The following TASP1 variants were observed in gnomAD, a reference collection of about 807,000 sequenced individuals.
The protein encoded by TASP1 is taspase 1.
TASP1 carries 16 observed loss-of-function variants against 56.6 expected under a neutral mutation model. That is an observed-to-expected ratio of 0.28 (90% CI 0.19 to 0.43). The LOEUF (loss-of-function observed/expected upper bound fraction) is 0.43. TASP1 is among the 20% of genes least tolerant of loss of function. The pLI is 1.00. For missense variants in TASP1, 393 were observed against 511.6 expected (o/e 0.77, Z 2.24); for synonymous variants, 179 against 184.2 (o/e 0.97, Z 0.23).
intron 10 of TASP1, among the ~76,000 whole-genome samples, chr20:13,509,364 T>C (rs2044246277): frequency 6.6e-6 from 1 of 152,096 alleles, no homozygotes; most frequent in Admixed American, 6.5e-5. Context: ...GGAGATAGTG[T>C]CACAGGGTAC....
the TASP1 span, among the ~76,000 whole-genome samples, chr20:13,250,675 G>A: frequency 1.3e-5 from 2 of 152,210 alleles, no homozygotes; most frequent in African/African-American, 4.8e-5. Flanking sequence ...TGGATTGTAA[G>A]CTCCATGAGG....
At chr20:13,578,571 C>G (rs974668454) in intron 6 of TASP1, among the ~76,000 whole-genome samples, 35 of 152,210 alleles carry the variant, frequency 2.3e-4, no homozygotes, top group African/African-American at 7.9e-4. Context: ...AGAATACTCT[C>G]CCATATTTTT....
At position 13,614,919 on chromosome 20, in the gene TASP1, C is replaced by T. The variant is rs866205691; in HGVS notation, c.282+8527G>A. 4 of 429,666 alleles carry T rather than the reference C, an allele frequency of 9.3e-6. No homozygotes were observed. In the Middle Eastern group the frequency reaches 1.0e-3, roughly 112 times the overall value. The allele number at this position is 429,666 out of a possible 1,614,324, so 26.6% of individuals were successfully genotyped here. A position where few individuals can be genotyped will look rare whatever the true frequency, so the allele number is the denominator to read the frequency against. On this transcript the variant is annotated intron_variant, in intron 4 of 13. Coordinates refer to ENST00000337743, the MANE Select transcript of TASP1 (RefSeq NM_017714.3). ...AAATGTAGCTGTTTCTCCAGTACTACCAAATTTGGCAGCCACTTATACTTC... is the reference window on the plus strand; with the variant it reads ...AAATGTAGCTGTTTCTCCAGTACTATCAAATTTGGCAGCCACTTATACTTC...
At chr20:13,226,753 C>A in the TASP1 span, among the ~76,000 whole-genome samples, 10 of 152,178 alleles carry the variant, frequency 6.6e-5, no homozygotes, top group Admixed American at 6.5e-4. Flanking sequence ...GGACTCAGAG[C>A]AGCAAGAGAA....
At chr20:13,182,943 C>G in the TASP1 span, among the ~76,000 whole-genome samples, 1 of 152,162 alleles carries the variant, frequency 6.6e-6, no homozygotes, top group East Asian at 1.9e-4. Flanking sequence ...AGCAAAATAG[C>G]TAAAAATCTC....
chr20:13,293,512 T>G, the TASP1 span, among the ~76,000 whole-genome samples: 1 of 152,148 alleles, frequency 6.6e-6, no homozygotes, highest in Non-Finnish European at 1.5e-5. Context: ...TCTTTTTTTT[T>G]TTCATAGCCC....
At chr20:13,221,417 GCCTCCGGCCCGGCCCGGGTCCCGGGCT>G in the TASP1 span, among the ~76,000 whole-genome samples, 1 of 138,308 alleles carries the variant, frequency 7.2e-6, no homozygotes, top group African/African-American at 2.5e-5. Flanking sequence ...CAGCAGGGTG[GCCTCCGGCCCGGCCCGGGTCCCGGGCT>G]GTCCCGGGAC....
chr20:13,143,024 G>C, the TASP1 span, among the ~76,000 whole-genome samples: 64 of 152,272 alleles, frequency 4.2e-4, no homozygotes, highest in African/African-American at 1.4e-3. Context: ...CTGAAGTTTT[G>C]TGCCCTTTGT....
intron 8 of TASP1, among the ~76,000 whole-genome samples, chr20:13,542,023 C>T (rs1466977970): frequency 2.8e-5 from 4 of 140,984 alleles, no homozygotes; most frequent in East Asian, 2.0e-4. Flanking sequence ...CCAGCCTGGG[C>T]GACAGAGCAA....
chr20:13,153,885 C>T, the TASP1 span: 3 of 1,343,468 alleles, frequency 2.2e-6, no homozygotes, highest in Non-Finnish European at 3.1e-6. Flanking sequence ...CCTACTTCCT[C>T]CTCCCAGCTA....
chr20:13,250,817 A>G, the TASP1 span, among the ~76,000 whole-genome samples: 1 of 152,218 alleles, frequency 6.6e-6, no homozygotes, highest in African/African-American at 2.4e-5. Context: ...CACACCATCA[A>G]AATGAATCCC....
chr20:13,588,707 A>T (rs2047412390), intron 4 of TASP1, among the ~76,000 whole-genome samples: 1 of 152,202 alleles, frequency 6.6e-6, no homozygotes, highest in South Asian at 2.1e-4. Flanking sequence ...GTGGACCAGA[A>T]GGCTTAATGT....
chr20:13,283,774 A>G, the TASP1 span, among the ~76,000 whole-genome samples: 1 of 152,220 alleles, frequency 6.6e-6, no homozygotes, highest in Admixed American at 6.5e-5. Flanking sequence ...TTACATAGGT[A>G]CTGCTTATTG....
the TASP1 span, among the ~76,000 whole-genome samples, chr20:13,191,757 C>A: frequency 6.6e-6 from 1 of 152,054 alleles, no homozygotes; most frequent in Non-Finnish European, 1.5e-5. Context: ...GTTCCAAATA[C>A]AAAGAAATGA....
the TASP1 span, among the ~76,000 whole-genome samples, chr20:13,149,842 A>G: frequency 1.3e-5 from 2 of 152,232 alleles, no homozygotes; most frequent in African/African-American, 4.8e-5. Flanking sequence ...GTAGCTAGGC[A>G]GCCAATGATA....
the TASP1 span, among the ~76,000 whole-genome samples, chr20:13,150,651 T>C: frequency 1.3e-5 from 2 of 152,176 alleles, no homozygotes; most frequent in African/African-American, 4.8e-5. Flanking sequence ...CTACTCCTAC[T>C]CCTTCCAATC....
chr20:13,583,593 A>C (rs1026147178), intron 5 of TASP1, among the ~76,000 whole-genome samples: 1 of 152,150 alleles, frequency 6.6e-6, no homozygotes, highest in Non-Finnish European at 1.5e-5. Flanking sequence ...CAAACTACTA[A>C]ATCTCTCTTG....
the TASP1 span, among the ~76,000 whole-genome samples, chr20:13,342,985 C>T: frequency 6.6e-6 from 1 of 152,174 alleles, no homozygotes; most frequent in Non-Finnish European, 1.5e-5. Context: ...AACTTGCTCT[C>T]ATGTACTTTG....
the TASP1 span, among the ~76,000 whole-genome samples, chr20:13,311,243 T>TAGATAGATAGATGATAGATAGATGATA: frequency 7.8e-5 from 10 of 127,920 alleles, no homozygotes; most frequent in African/African-American, 2.7e-4. Flanking sequence ...GATAGATAGA[T>TAGATAGATAGATGATAGATAGATGATA]GATAGATAGA....
Sources: allele counts gnomAD v4.1 joint callset (sites outside exome capture counted in the v4.1 genomes callset), GRCh38; gene constraint gnomAD v4.1.1; transcripts MANE v1.5; gene names NCBI Gene and HGNC (gene_info 2026-07-23, HGNC 2026-07-21).